Variants in DPP10 observed in about 807,000 individuals in gnomAD.
DPP10 encodes the protein inactive dipeptidyl peptidase 10.
In DPP10, 33 loss-of-function variants were observed where a neutral mutation model predicts 120.9. That is an observed-to-expected ratio of 0.27 (90% confidence interval 0.21 to 0.37). The LOEUF is 0.37. Among genes scored for constraint, DPP10 ranks in the 10% least tolerant of loss-of-function variants. The pLI is 1.00. For missense variants in DPP10, 816 were observed against 942.8 expected (o/e 0.87, Z 1.76); for synonymous variants, 337 against 326.1 (o/e 1.03, Z -0.36).
intron 1 of DPP10, among the ~76,000 whole-genome samples, chr2:114,873,540 C>T (rs1019741707): frequency 1.3e-5 from 2 of 152,084 alleles, no homozygotes; most frequent in Non-Finnish European, 1.5e-5. Flanking sequence ...TTGGTCATAT[C>T]GTGTCGGTGC....
intron 1 of DPP10, among the ~76,000 whole-genome samples, chr2:115,088,762 A>AAAAAAAAAAAAAC (rs1559080192): frequency 6.7e-6 from 1 of 150,312 alleles, no homozygotes. Context: ...AAAAAAAAAA[A>AAAAAAAAAAAAAC]AAAAAAACCA....
chr2:115,499,045 G>A (rs1051587089), intron 3 of DPP10, among the ~76,000 whole-genome samples: 5 of 152,036 alleles, frequency 3.3e-5, no homozygotes, highest in African/African-American at 1.2e-4. Flanking sequence ...TTCAGTGGTG[G>A]TAGAAGAATT....
At chr2:114,468,569 C>T (rs1679628144) in intron 1 of DPP10, among the ~76,000 whole-genome samples, 1 of 152,124 alleles carries the variant, frequency 6.6e-6, no homozygotes. Context: ...TCCCCTGAGG[C>T]TCATCCACAA....
At chr2:114,566,431 C>T (rs1409874895) in intron 1 of DPP10, among the ~76,000 whole-genome samples, 1 of 152,210 alleles carries the variant, frequency 6.6e-6, no homozygotes, top group Non-Finnish European at 1.5e-5. Flanking sequence ...AGAGTTCTCA[C>T]ATGCTCCTCG....
chr2:114,908,598 T>C (rs1321493222), intron 1 of DPP10, among the ~76,000 whole-genome samples: 2 of 151,908 alleles, frequency 1.3e-5, no homozygotes, highest in African/African-American at 4.8e-5. Flanking sequence ...TTTGTGCTAC[T>C]ATTGAATATT....
At chr2:115,385,745 T>C (rs2066885228) in intron 3 of DPP10, among the ~76,000 whole-genome samples, 1 of 152,240 alleles carries the variant, frequency 6.6e-6, no homozygotes, top group African/African-American at 2.4e-5. Flanking sequence ...TTTTTATTTC[T>C]GACAGCTTCC....
chr2:115,603,070 C>G (rs1030784602), intron 5 of DPP10, among the ~76,000 whole-genome samples: 1 of 151,406 alleles, frequency 6.6e-6, no homozygotes, highest in Admixed American at 6.6e-5. Flanking sequence ...GGTCATAGTT[C>G]TCTTTATCCT....
intron 5 of DPP10, among the ~76,000 whole-genome samples, chr2:115,567,707 C>G (rs181634775): frequency 6.6e-6 from 1 of 152,226 alleles, no homozygotes; most frequent in Admixed American, 6.5e-5. Flanking sequence ...AGGAAAATGT[C>G]GAGACATTCA....
chr2:115,094,704 G>A (rs1166889422), intron 1 of DPP10, among the ~76,000 whole-genome samples: 1 of 152,130 alleles, frequency 6.6e-6, no homozygotes, highest in Non-Finnish European at 1.5e-5. Context: ...ACCCACACAA[G>A]TAATTTAGTT....
intron 1 of DPP10, among the ~76,000 whole-genome samples, chr2:115,116,710 G>T (rs1378227284): frequency 2.6e-5 from 4 of 152,130 alleles, no homozygotes; most frequent in African/African-American, 9.7e-5. Context: ...ATATATAATT[G>T]TTGTAAACTT....
intron 1 of DPP10, among the ~76,000 whole-genome samples, chr2:114,918,968 GA>G (rs1233839831): frequency 1.0e-5 from 1 of 96,074 alleles, no homozygotes; most frequent in Non-Finnish European, 2.2e-5. Flanking sequence ...TTGGAAGAAA[GA>G]AAAAAAACAC....
chr2:115,706,612 T>C (rs1246563814), intron 7 of DPP10, among the ~76,000 whole-genome samples: 4 of 151,964 alleles, frequency 2.6e-5, no homozygotes, highest in Non-Finnish European at 5.9e-5. Context: ...AACTAAGCGC[T>C]TACACCATAC....
chr2:115,388,003 C>T (rs1002832245), intron 3 of DPP10, among the ~76,000 whole-genome samples: 4 of 152,158 alleles, frequency 2.6e-5, no homozygotes, highest in African/African-American at 9.7e-5. Context: ...AGCTAACTTA[C>T]AGAAAGCACC....
intron 1 of DPP10, among the ~76,000 whole-genome samples, chr2:114,473,305 T>C (rs1238183649): frequency 6.6e-6 from 1 of 152,206 alleles, no homozygotes; most frequent in East Asian, 1.9e-4. Flanking sequence ...CTATGATGAA[T>C]GAAACTCTAG....
At chr2:115,407,328 A>G (rs1452728629) in intron 3 of DPP10, among the ~76,000 whole-genome samples, 1 of 152,148 alleles carries the variant, frequency 6.6e-6, no homozygotes, top group African/African-American at 2.4e-5. Flanking sequence ...TCCTGTCTCT[A>G]TCATTCCCCC....
intron 3 of DPP10, among the ~76,000 whole-genome samples, chr2:115,362,291 C>G (rs780866529): frequency 6.6e-6 from 1 of 152,124 alleles, no homozygotes; most frequent in Non-Finnish European, 1.5e-5. Context: ...AGTGGGGCAA[C>G]TAAGGCCAGA....
chr2:115,622,122 ATCT>A (rs1044611956), intron 5 of DPP10, among the ~76,000 whole-genome samples: 5 of 152,094 alleles, frequency 3.3e-5, no homozygotes, highest in Admixed American at 2.0e-4. Context: ...CATTTTAACC[ATCT>A]TCTCCCCAAA....
intron 1 of DPP10, among the ~76,000 whole-genome samples, chr2:114,819,807 A>AGT (rs1342939866): frequency 6.6e-6 from 1 of 152,186 alleles, no homozygotes; most frequent in Non-Finnish European, 1.5e-5. Context: ...CCGGAAGCAC[A>AGT]GTGTGGCATC....
intron 4 of DPP10, among the ~76,000 whole-genome samples, chr2:115,508,600 G>C (rs1445098374): frequency 6.6e-6 from 1 of 152,136 alleles, no homozygotes; most frequent in African/African-American, 2.4e-5. Flanking sequence ...GTCACGGAAA[G>C]CTTTCCTAAA....
Sources: allele counts gnomAD v4.1 joint callset (sites outside exome capture counted in the v4.1 genomes callset), GRCh38; gene constraint gnomAD v4.1.1; transcripts MANE v1.5; gene names NCBI Gene and HGNC (gene_info 2026-07-23, HGNC 2026-07-21).